MSI2: variants seen among roughly 807,000 people sequenced by gnomAD.
MSI2 encodes the protein musashi RNA binding protein 2.
A neutral mutation model predicts 45.6 loss-of-function variants in MSI2; 17 were observed. The observed-to-expected ratio is 0.37, with a 90% CI of 0.26 to 0.56. The LOEUF (loss-of-function observed/expected upper bound fraction) is 0.56, where lower values mean the gene tolerates loss of function less well. Ranked by LOEUF, MSI2 falls within the 20% of genes least tolerant of loss-of-function variation. MSI2 has a pLI of 0.77. For missense variants in MSI2, 293 were observed against 444.2 expected (o/e 0.66, Z 3.06); for synonymous variants, 156 against 158.2 (o/e 0.99, Z 0.11).
chr17:57,366,280 C>T (rs1428164155), intron 5 of MSI2, among the ~76,000 whole-genome samples: 1 of 152,142 alleles, frequency 6.6e-6, no homozygotes, highest in African/African-American at 2.4e-5. Flanking sequence ...TCTGCTGGCC[C>T]CAGGTCCGAG....
intron 6 of MSI2, among the ~76,000 whole-genome samples, chr17:57,510,259 T>C (rs1470047100): frequency 6.6e-6 from 1 of 151,940 alleles, no homozygotes; most frequent in Non-Finnish European, 1.5e-5. Flanking sequence ...GAGGCCCTCT[T>C]GATGAGGTGG....
intron 6 of MSI2, among the ~76,000 whole-genome samples, chr17:57,423,023 C>G (rs2084425747): frequency 6.6e-6 from 1 of 152,114 alleles, no homozygotes; most frequent in African/African-American, 2.4e-5. Flanking sequence ...CTATGAGGAA[C>G]TAAAGGGGCC....
intron 5 of MSI2, among the ~76,000 whole-genome samples, chr17:57,383,454 C>T (rs1025526312): frequency 3.3e-5 from 5 of 152,064 alleles, no homozygotes; most frequent in Admixed American, 6.5e-5. Flanking sequence ...GTCAGGAGTT[C>T]GAGACCAGCC....
At chr17:57,622,776 C>T (rs186697810) in intron 9 of MSI2, among the ~76,000 whole-genome samples, 71 of 152,324 alleles carry the variant, frequency 4.7e-4, no homozygotes, top group Non-Finnish European at 7.9e-4. Flanking sequence ...TCAATTTCGA[C>T]GGGGATCTGG....
chr17:57,553,769 C>T (rs949498191), intron 7 of MSI2, among the ~76,000 whole-genome samples: 5 of 152,148 alleles, frequency 3.3e-5, no homozygotes, highest in African/African-American at 4.8e-5. Flanking sequence ...GTGTTTATCG[C>T]GAGAGAGCAG....
chr17:57,696,297 T>G, the MSI2 span, among the ~76,000 whole-genome samples: 171 of 152,270 alleles, frequency 1.1e-3, no homozygotes, highest in Middle Eastern at 0.014. Flanking sequence ...TGTGGAAGGC[T>G]GAGTGTGGAG....
intron 10 of MSI2, chr17:57,633,179 A>G: frequency 5.9e-6 from 6 of 1,015,732 alleles, no homozygotes; most frequent in Non-Finnish European, 7.1e-6. Context: ...ATTGTTTACC[A>G]TGGACATACT....
At chr17:57,563,594 A>G (rs1390265148) in intron 7 of MSI2, among the ~76,000 whole-genome samples, 2 of 152,144 alleles carry the variant, frequency 1.3e-5, no homozygotes, top group Admixed American at 6.5e-5. Flanking sequence ...GATAAAGCAC[A>G]ATCCATGTCA....
chr17:57,354,626 G>A (rs144802448), intron 5 of MSI2, among the ~76,000 whole-genome samples: 3 of 152,222 alleles, frequency 2.0e-5, no homozygotes, highest in African/African-American at 7.2e-5. Flanking sequence ...AACATCTTGA[G>A]ATAGGAGAAA....
intron 7 of MSI2, among the ~76,000 whole-genome samples, chr17:57,553,838 C>T (rs2087364609): frequency 6.6e-6 from 1 of 152,068 alleles, no homozygotes; most frequent in Non-Finnish European, 1.5e-5. Context: ...GATGGGTAGC[C>T]GACTTTTCTT....
chr17:57,442,065 T>G (rs1445371370), intron 6 of MSI2, among the ~76,000 whole-genome samples: 1 of 146,374 alleles, frequency 6.8e-6, no homozygotes, highest in Non-Finnish European at 1.5e-5. Flanking sequence ...TGAGACAGAG[T>G]CTTGCTCTGT....
At chr17:57,698,191 C>T in the MSI2 span, among the ~76,000 whole-genome samples, 8 of 152,196 alleles carry the variant, frequency 5.3e-5, no homozygotes, top group South Asian at 4.2e-4. Flanking sequence ...GAGGACAGAC[C>T]GGATCTTCCT....
At chr17:57,353,068 G>A (rs900795944) in intron 5 of MSI2, among the ~76,000 whole-genome samples, 1 of 152,220 alleles carries the variant, frequency 6.6e-6, no homozygotes, top group African/African-American at 2.4e-5. Flanking sequence ...TTTCTGGAAA[G>A]TTGAGTCATT....
intron 6 of MSI2, among the ~76,000 whole-genome samples, chr17:57,468,298 G>A (rs1394455415): frequency 5.3e-5 from 8 of 151,230 alleles, no homozygotes; most frequent in Admixed American, 1.3e-4. Context: ...AGGCCGAGAC[G>A]GGCAGATCAC....
intron 8 of MSI2, among the ~76,000 whole-genome samples, chr17:57,606,538 G>T (rs1906596367): frequency 6.6e-6 from 1 of 152,074 alleles, no homozygotes; most frequent in Non-Finnish European, 1.5e-5. Flanking sequence ...TGCAGTTATT[G>T]GGGTACATCT....
intron 6 of MSI2, among the ~76,000 whole-genome samples, chr17:57,453,247 C>T (rs2085052249): frequency 6.6e-6 from 1 of 152,034 alleles, no homozygotes; most frequent in Non-Finnish European, 1.5e-5. Context: ...GCAATCTGCC[C>T]ACCTCAGCCT....
At chr17:57,353,716 T>G (rs562535022) in intron 5 of MSI2, among the ~76,000 whole-genome samples, 189 of 152,296 alleles carry the variant, frequency 1.2e-3, no homozygotes, top group Non-Finnish European at 2.2e-3. Flanking sequence ...AATTTTTTCC[T>G]TGGGTCTCAG....
chr17:57,402,232 A>G (rs1003337282), intron 6 of MSI2, among the ~76,000 whole-genome samples: 2 of 152,162 alleles, frequency 1.3e-5, no homozygotes, highest in Admixed American at 6.5e-5. Context: ...CATTCCTCAG[A>G]TGGCCCTGTT....
At chr17:57,580,269 A>C (rs564109249) in intron 7 of MSI2, among the ~76,000 whole-genome samples, 7 of 152,318 alleles carry the variant, frequency 4.6e-5, no homozygotes, top group African/African-American at 1.4e-4. Flanking sequence ...TCCTCTGGGA[A>C]GGGCTCCTGC....
Sources: allele counts gnomAD v4.1 joint callset (sites outside exome capture counted in the v4.1 genomes callset), GRCh38; gene constraint gnomAD v4.1.1; transcripts MANE v1.5; gene names NCBI Gene and HGNC (gene_info 2026-07-23, HGNC 2026-07-21).